Variants in ATP2A3 observed in about 807,000 individuals in gnomAD.
ATP2A3 encodes the protein ATPase sarcoplasmic/endoplasmic reticulum Ca2+ transporting 3, also known as sarcoplasmic/endoplasmic reticulum calcium ATPase 3.
A neutral mutation model predicts 106.8 loss-of-function variants in ATP2A3; 61 were observed. That is an observed-to-expected ratio of 0.57 (90% CI 0.46 to 0.71). The LOEUF (loss-of-function observed/expected upper bound fraction) is 0.71. ATP2A3 is among the 30% of genes least tolerant of loss of function. The pLI, the probability that ATP2A3 is intolerant of heterozygous loss-of-function variation, is 0.00. For missense variants in ATP2A3, 1,201 were observed against 1,423.5 expected, an observed-to-expected ratio of 0.84 and a Z score of 2.52; for synonymous variants, 611 against 609.3, an observed-to-expected ratio of 1.00 and a Z score of -0.04.
chr17:3,946,443 T>C (rs897149851), intron 8 of ATP2A3, among the ~76,000 whole-genome samples: 2 of 151,970 alleles, frequency 1.3e-5, no homozygotes, highest in Admixed American at 6.6e-5. Flanking sequence ...TAGTCCCAGC[T>C]ACCTGGGAGG....
In ATP2A3 at chr17:3,926,337, G is replaced by A. The variant is rs1179429261; in HGVS notation, c.2981-896C>T. ...CAGTAGCGCTGGGCAGGGCTGTCTG[G>A]GCTTCCAGTGAGCACATTCCTCGGG... On this transcript the variant is annotated intron_variant, in intron 20 of 20. Transcript: ENST00000397041. The surrounding 1 kb of genome is among the most constrained non-coding windows in gnomAD (Gnocchi z 4.6). Among the ~76,000 whole-genome samples the A allele has an allele frequency of 6.6e-6, 1 of 152,158 alleles. No homozygotes were observed. Among genetic ancestry groups the A allele is most frequent in the African/African-American group, 2.4e-5 (1 of 41,422 alleles).
intron 1 of ATP2A3, among the ~76,000 whole-genome samples, chr17:3,956,886 G>A (rs1376962340): frequency 6.6e-6 from 1 of 152,238 alleles, no homozygotes; most frequent in South Asian, 2.1e-4. Flanking sequence ...GCTGAGCACA[G>A]CTCTGGTCCT....
At chr17:3,958,711 TATATATACACATATATATACAC>T (rs1567726050) in intron 1 of ATP2A3, among the ~76,000 whole-genome samples, 4 of 115,684 alleles carry the variant, frequency 3.5e-5, no homozygotes, top group Non-Finnish European at 1.9e-5. Flanking sequence ...CATATATATA[TATATATACACATATATATACAC>T]ATATATATAG....
At chr17:3,963,952 C>A (rs1454146292) in intron 1 of ATP2A3, among the ~76,000 whole-genome samples, 1 of 152,106 alleles carries the variant, frequency 6.6e-6, no homozygotes, top group Non-Finnish European at 1.5e-5. Context: ...TGCCAGGCGT[C>A]CGGTCTCCCC....
chr17:3,937,397 A>C lies in ATP2A3; in HGVS notation c.2321+19T>G, dbSNP rs925916423. On this transcript the variant is annotated intron_variant, in intron 15 of 20. Coordinates refer to ENST00000397041, the MANE Select transcript of ATP2A3 (RefSeq NM_005173.4). Reference sequence around the variant, plus strand: ...AGAGCGGATTGAGAGGGCTGAGAGGAGGGAAGGCCCGGCCTCACCAGACGA... The same window carrying C: ...AGAGCGGATTGAGAGGGCTGAGAGGCGGGAAGGCCCGGCCTCACCAGACGA... 40 of 1,605,046 alleles carry C rather than the reference A, an allele frequency of 2.5e-5. 1 individual carries two copies. Among genetic ancestry groups the C allele is most frequent in the Non-Finnish European group, 4.3e-6 (5 of 1,175,724 alleles).
chr17:3,938,439 A>C (rs1238344083), intron 14 of ATP2A3, among the ~76,000 whole-genome samples: 1 of 152,056 alleles, frequency 6.6e-6, no homozygotes, highest in Non-Finnish European at 1.5e-5. Flanking sequence ...ATCTAAAAAA[A>C]TTGAAGGCCA....
At chr17:3,950,435 A>T in intron 7 of ATP2A3, 76 bp downstream of exon 7, 1 of 1,519,680 alleles carries the variant, frequency 6.6e-7, no homozygotes, top group South Asian at 1.1e-5. Context: ...AAGTGCTGGG[A>T]TTACAGGCGT....
At chr17:3,933,222 A>G (rs1466719449) in intron 17 of ATP2A3, among the ~76,000 whole-genome samples, 1 of 151,528 alleles carries the variant, frequency 6.6e-6, no homozygotes, top group Non-Finnish European at 1.5e-5. Context: ...CGGAGGTTGC[A>G]GTGAGCTGAG....
At chr17:3,958,849 A>ATATACACACACAC (rs2054965787) in intron 1 of ATP2A3, among the ~76,000 whole-genome samples, 28 of 84,100 alleles carry the variant, frequency 3.3e-4, no homozygotes, top group African/African-American at 1.5e-3. Flanking sequence ...CACATATATA[A>ATATACACACACAC]ATATATATAT....
intron 1 of ATP2A3, among the ~76,000 whole-genome samples, chr17:3,954,784 C>T (rs1966388): frequency 0.13 from 19,403 of 152,190 alleles, 1,511 homozygotes; most frequent in East Asian, 0.27. Context: ...CGTGAGCCAC[C>T]GCCCAGGCCT....
rs547060792 is a variant in ATP2A3, at chr17:3,955,075, G to T, written c.119-1365C>A. Reference sequence around the variant, plus strand: ...AGAAGCTCCCCCTTCCCAGGCCGCAGTCTAACTGAGCCCTGCCTCCTCTTG... The same window carrying T: ...AGAAGCTCCCCCTTCCCAGGCCGCATTCTAACTGAGCCCTGCCTCCTCTTG... On this transcript the variant is annotated intron_variant, in intron 1 of 20. Transcript: ENST00000397041. This position sits in a 1 kb window ranked among gnomAD's most constrained non-coding sequence, Gnocchi z 4.2. 6.6e-6 allele frequency among the ~76,000 whole-genome samples: 1 copy of T among 152,324 alleles called. No individual in the cohort carries two copies. The highest frequency in any genetic ancestry group is 1.5e-5 in the Non-Finnish European group (1 of 68,026).
rs745609465 is a variant in ATP2A3 at position 3,947,646 on chromosome 17, G to A, written c.840C>T (p.Ala280=). ...GCCAGGAGCCACCGTGGGCCGGGTCGGCGAAGTGGCCGATGTTGATGACCC... is the reference window on the plus strand; with the variant it reads ...GCCAGGAGCCACCGTGGGCCGGGTCAGCGAAGTGGCCGATGTTGATGACCC... ...AVWVINIGHF[A]DPAHGGSWLR... is the part of the protein sequence containing the mutation. Residue 280 remains alanine, a synonymous_variant, in exon 8 of 21, where the codon GCC becomes GCT. Coordinates refer to ENST00000397041, the MANE Select transcript of ATP2A3 (RefSeq NM_005173.4). The surrounding 1 kb of genome is among the most constrained non-coding windows in gnomAD (Gnocchi z 7.7). 34 of 1,612,250 alleles carry A rather than the reference G, an allele frequency of 2.1e-5. No homozygotes were observed. Among genetic ancestry groups the A allele is most frequent in the South Asian group, 2.1e-4 (19 of 91,084 alleles).
In ATP2A3 at chr17:3,936,049, T is replaced by G. The variant is rs974768985; in HGVS notation, c.2524+218A>C. Among the ~76,000 whole-genome samples the G allele has an allele frequency of 3.3e-5, 5 of 152,250 alleles. No individual in the cohort carries two copies. Among genetic ancestry groups the G allele is most frequent in the Non-Finnish European group, 7.3e-5 (5 of 68,046 alleles). ...GGCTGCAGCAGCCATTCTGCCACCA[T>G]GAGGGACGTGGGCCTGAGAATGAAG... On this transcript the variant is annotated intron_variant, in intron 16 of 20. Coordinates refer to ENST00000397041, the MANE Select transcript of ATP2A3 (RefSeq NM_005173.4). This position sits in a 1 kb window ranked among gnomAD's most constrained non-coding sequence, Gnocchi z 5.4.
chr17:3,934,334 C>G (rs1274667783), intron 17 of ATP2A3, among the ~76,000 whole-genome samples: 1 of 152,038 alleles, frequency 6.6e-6, no homozygotes, highest in Non-Finnish European at 1.5e-5. Context: ...ACTGATCCTC[C>G]CACCTCAGCC....
chr17:3,942,922 GAC>G (rs916153089), intron 11 of ATP2A3, among the ~76,000 whole-genome samples, 191 bp from the exon 12 acceptor site: 2 of 152,160 alleles, frequency 1.3e-5, no homozygotes, highest in African/African-American at 4.8e-5. Flanking sequence ...GCCGTTTGCT[GAC>G]CATGCTGTGT....
At position 3,941,145 on chromosome 17, in the gene ATP2A3, A is replaced by G; in HGVS notation, c.1926T>C (p.Phe642=). ...AVAICRRLGI[F]GDTEDVAGKA... ...TGCCCGCCACGTCTTCCGTGTCCCC[A>G]AAGATGCCAAGCCTGCGGCAGATGG... is the stretch of plus-strand genomic sequence containing the variant. The change falls in exon 14 of 21, where the codon TTT becomes TTC. Residue 642 remains phenylalanine (F), a synonymous_variant. Transcript: ENST00000397041. The G allele has an allele frequency of 6.2e-7, 1 of 1,614,122 alleles. No homozygotes were observed. Among genetic ancestry groups the G allele is most frequent in the Non-Finnish European group, 8.5e-7 (1 of 1,179,990 alleles).
At chr17:3,943,208 G>A (rs1399849840) in intron 11 of ATP2A3, among the ~76,000 whole-genome samples, 183 bp downstream of exon 11, 1 of 151,596 alleles carries the variant, frequency 6.6e-6, no homozygotes. Flanking sequence ...GGAGGCAGAG[G>A]TTGCAGTGAG....
Position 3,950,736 on chromosome 17 carries a change from CT to C in ATP2A3, c.500del (p.Glu167GlyfsTer14). 1 of 1,613,896 alleles carries C rather than the reference CT, an allele frequency of 6.2e-7. No homozygotes were observed. Among genetic ancestry groups the C allele is most frequent in the Non-Finnish European group, 8.5e-7 (1 of 1,180,012 alleles). ...CCACTCGCAGCGTGGTGGACTTGAT[CT>C]CGATGAGGCGGAGGTCAGCAGGCAC... ...DKVPADLRLIEIKSTTLRVDQ... is the reference protein window; with the variant it reads ...DKVPADLRLIXIKSTTLRVDQ... On this transcript the variant is annotated frameshift_variant, in exon 6 of 21. Transcript: ENST00000397041. LOFTEE classifies it high-confidence loss of function.
intron 10 of ATP2A3, 136 bp from the exon 11 acceptor site, chr17:3,943,658 C>T: frequency 7.1e-7 from 1 of 1,418,120 alleles, no homozygotes; most frequent in South Asian, 1.2e-5. Context: ...CCCGTGAGCC[C>T]TTCCCAGCCT....
Sources: gnomAD v4.1 joint callset for allele counts (sites outside exome capture counted in the v4.1 genomes callset) on GRCh38, gnomAD v4.1.1 for gene constraint, Gnocchi (gnomAD v3.1) non-coding constraint, MANE v1.5 for transcripts, NCBI Gene and HGNC (gene_info 2026-07-23, HGNC 2026-07-21) for gene names.